The following ARL14EPL variants were observed in gnomAD, a reference collection of about 807,000 sequenced individuals.
The protein encoded by ARL14EPL is ARF like GTPase 14 effector protein like.
In ARL14EPL, 17 loss-of-function variants were observed where a neutral mutation model predicts 15.9. The ratio of observed to expected loss-of-function variants is 1.07; its 90% CI spans 0.73 to 1.60. The LOEUF (loss-of-function observed/expected upper bound fraction) is 1.60. ARL14EPL is among the 40% of genes most tolerant of loss of function. The pLI is 0.00. For missense variants in ARL14EPL, 214 were observed against 185.9 expected, an observed-to-expected ratio of 1.15 and a Z score of -0.88; for synonymous variants, 78 against 63.8, an observed-to-expected ratio of 1.22 and a Z score of -1.06.
intron 1 of ARL14EPL, among the ~76,000 whole-genome samples, chr5:116,043,255 T>G (rs180821526): frequency 6.7e-6 from 1 of 150,288 alleles, no homozygotes; most frequent in Admixed American, 6.6e-5. Context: ...AACCTGATAA[T>G]ACCACTCATA....
At chr5:116,041,883 C>G (rs1469169649) in intron 1 of ARL14EPL, among the ~76,000 whole-genome samples, 1 of 152,136 alleles carries the variant, frequency 6.6e-6, no homozygotes, top group Non-Finnish European at 1.5e-5. Context: ...AGCTGGAATG[C>G]ACTGACTCAA....
At chr5:116,033,454 T>A (rs1748994582) in intron 1 of ARL14EPL, among the ~76,000 whole-genome samples, 1 of 152,234 alleles carries the variant, frequency 6.6e-6, no homozygotes, top group Non-Finnish European at 1.5e-5. Flanking sequence ...CTATGATGTT[T>A]GGTGCATTAA....
chr5:116,051,357 TAA>T, intron 1 of ARL14EPL, 98 bp from the exon 2 acceptor site: 1 of 752,536 alleles, frequency 1.3e-6, no homozygotes, highest in Non-Finnish European at 2.1e-6. Flanking sequence ...TGGTTTTGAA[TAA>T]AGTGAGACGT....
chr5:116,056,300 C>T (rs958688918), intron 3 of ARL14EPL, among the ~76,000 whole-genome samples: 1 of 152,154 alleles, frequency 6.6e-6, no homozygotes, highest in Non-Finnish European at 1.5e-5. Flanking sequence ...CACATCCTCT[C>T]CAGCACCTGT....
In ARL14EPL at chr5:116,058,762, T is replaced by C. The variant is rs1334050271; in HGVS notation, c.274T>C (p.Cys92Arg). 1.3e-6 allele frequency: 2 copies of C among 1,535,666 alleles called. No homozygotes were observed. The highest frequency in any genetic ancestry group is 1.7e-6 in the Non-Finnish European group (2 of 1,146,912). The change falls in exon 4 of 4, where the codon TGT becomes CGT. Residue 92 changes from cysteine to arginine, a missense_variant. Cys to Arg is a radical substitution (Grantham distance 180). Transcript: ENST00000686077. ...RKYDKSGRLICNDADLCDCLE... is the reference protein window; with the variant it reads ...RKYDKSGRLIRNDADLCDCLE... ...GTATGACAAAAGTGGCAGGCTCATC[T>C]GTAATGACGCTGATCTGTGTGATTG...
rs144567255 is a variant in ARL14EPL, at chr5:116,040,748, C to A, written c.-10+8243C>A. On this transcript the variant is annotated intron_variant, in intron 1 of 3. Coordinates refer to ENST00000686077, the MANE Select transcript of ARL14EPL (RefSeq NM_001195581.2). ...ATGCTGTTTGGGAGGCCAAGGTGGG[C>A]GGATCACGAGGTCATATCGAGACCA... Among the ~76,000 whole-genome samples the A allele has an allele frequency of 5.4e-5, 8 of 148,638 alleles. No individual in the cohort carries two copies. The East Asian group carries it at 9.8e-4, about 18-fold the overall frequency.
chr5:116,040,923 T>G (rs1465138278), intron 1 of ARL14EPL, among the ~76,000 whole-genome samples: 2 of 127,308 alleles, frequency 1.6e-5, no homozygotes, highest in Non-Finnish European at 3.1e-5. Context: ...GAGCTTGCAG[T>G]GAGCTGAAAT....
intron 3 of ARL14EPL, among the ~76,000 whole-genome samples, chr5:116,054,910 A>G (rs1372154721): frequency 6.6e-6 from 1 of 151,900 alleles, no homozygotes; most frequent in Non-Finnish European, 1.5e-5. Context: ...ATTTAACTAC[A>G]TTAAAATTAA....
At chr5:116,038,782 GACTA>G (rs112564700) in intron 1 of ARL14EPL, among the ~76,000 whole-genome samples, 3,864 of 152,162 alleles carry the variant, frequency 0.025, 158 homozygotes, top group African/African-American at 0.089. Context: ...CACGTTCTAT[GACTA>G]ACTACTTCTA....
At chr5:116,052,118 T>C (rs1749396276) in intron 2 of ARL14EPL, 15 of 1,612,798 alleles carry the variant, frequency 9.3e-6, no homozygotes, top group Non-Finnish European at 1.3e-5. Context: ...CTTACAGAGT[T>C]TGTCATAGGT....
intron 1 of ARL14EPL, among the ~76,000 whole-genome samples, chr5:116,036,969 A>G (rs145534358): frequency 6.6e-6 from 1 of 151,502 alleles, no homozygotes; most frequent in Non-Finnish European, 1.5e-5. Context: ...TTCCATTTTT[A>G]ATTTGCAACT....
chr5:116,048,343 T>C (rs1309428887), intron 1 of ARL14EPL, among the ~76,000 whole-genome samples: 1 of 152,296 alleles, frequency 6.6e-6, no homozygotes, highest in African/African-American at 2.4e-5. Flanking sequence ...AGCTGGGAAC[T>C]GTTGTTTCTC....
chr5:116,058,732 A>C lies in ARL14EPL; in HGVS notation c.244A>C (p.Arg82=). ...EYFSTKYKIM[R]KYDKSGRLIC... is the part of the protein sequence containing the mutation. ...CATGCTTTTCCTTTGTAGAATAATG[A>C]GGAAGTATGACAAAAGTGGCAGGCT... is the stretch of plus-strand genomic sequence containing the variant. Residue 82 remains arginine, a synonymous_variant, in exon 4 of 4, where the codon AGG becomes CGG. Transcript: ENST00000686077. 1 of 1,534,810 alleles carries C rather than the reference A, an allele frequency of 6.5e-7. No homozygotes were observed. Among genetic ancestry groups the C allele is most frequent in the Non-Finnish European group, 8.7e-7 (1 of 1,146,752 alleles).
chr5:116,044,652 T>A (rs1030480114), intron 1 of ARL14EPL, among the ~76,000 whole-genome samples: 1 of 152,130 alleles, frequency 6.6e-6, no homozygotes, highest in Non-Finnish European at 1.5e-5. Flanking sequence ...ATTAACTGAT[T>A]ATTGTGAATG....
At chr5:116,049,530 G>A (rs2112675865) in intron 1 of ARL14EPL, among the ~76,000 whole-genome samples, 1 of 152,254 alleles carries the variant, frequency 6.6e-6, no homozygotes, top group East Asian at 1.9e-4. Flanking sequence ...TACCTGTGCA[G>A]GTTTGTTACA....
chr5:116,056,731 A>G (rs1175669184), intron 3 of ARL14EPL, among the ~76,000 whole-genome samples: 3 of 152,172 alleles, frequency 2.0e-5, no homozygotes, highest in Admixed American at 6.5e-5. Flanking sequence ...CCATGCCTAT[A>G]TCCTGAATGG....
intron 1 of ARL14EPL, among the ~76,000 whole-genome samples, chr5:116,044,404 C>T (rs987239178): frequency 2.0e-5 from 3 of 151,956 alleles, no homozygotes; most frequent in African/African-American, 4.8e-5. Context: ...TATAAACATG[C>T]TTTAGTTTTC....
intron 1 of ARL14EPL, among the ~76,000 whole-genome samples, chr5:116,043,502 T>C (rs111293923): frequency 0.013 from 1,924 of 152,220 alleles, 26 homozygotes; most frequent in Middle Eastern, 0.044. Flanking sequence ...CTTTGAAAAA[T>C]ACTCTTCAGT....
At chr5:116,053,662 C>T (rs951446279) in intron 2 of ARL14EPL, among the ~76,000 whole-genome samples, 1 of 152,184 alleles carries the variant, frequency 6.6e-6, no homozygotes, top group Non-Finnish European at 1.5e-5. Flanking sequence ...GGCCTCTACT[C>T]CTTCATCCTT....
Sources: gnomAD v4.1 joint callset for allele counts (sites outside exome capture counted in the v4.1 genomes callset) on GRCh38, gnomAD v4.1.1 for gene constraint, MANE v1.5 for transcripts, NCBI Gene and HGNC (gene_info 2026-07-23, HGNC 2026-07-21) for gene names.